The following COL25A1 variants were observed in gnomAD, a reference collection of about 807,000 sequenced individuals.
The protein encoded by COL25A1 is collagen alpha-1(XXV) chain.
A neutral mutation model predicts 128.4 loss-of-function variants in COL25A1; 103 were observed. The ratio of observed to expected loss-of-function variants is 0.80; its 90% CI spans 0.68 to 0.94. The LOEUF (loss-of-function observed/expected upper bound fraction) is 0.94, where lower values mean the gene tolerates loss of function less well. Among genes scored for constraint, COL25A1 ranks in the 40% least tolerant of loss-of-function variants. The pLI is 0.00. For missense variants in COL25A1, 745 were observed against 840.0 expected, an observed-to-expected ratio of 0.89 and a Z score of 1.40; for synonymous variants, 279 against 277.2, an observed-to-expected ratio of 1.01 and a Z score of -0.06.
At chr4:108,980,846 T>C (rs1454989467) in intron 6 of COL25A1, among the ~76,000 whole-genome samples, 1 of 152,242 alleles carries the variant, frequency 6.6e-6, no homozygotes, top group African/African-American at 2.4e-5. Context: ...ACAACCTCAA[T>C]GGTCACCGCA....
At chr4:109,092,119 C>T (rs376552545) in intron 3 of COL25A1, among the ~76,000 whole-genome samples, 5 of 152,060 alleles carry the variant, frequency 3.3e-5, no homozygotes, top group African/African-American at 4.8e-5. Context: ...AAGCTATCTG[C>T]GACCCAGGGA....
intron 8 of COL25A1, among the ~76,000 whole-genome samples, chr4:108,968,251 A>C (rs1332318118): frequency 1.3e-5 from 2 of 152,170 alleles, no homozygotes; most frequent in Non-Finnish European, 2.9e-5. Flanking sequence ...TAATGCCGAA[A>C]AGTTAGCCCA....
intron 3 of COL25A1, among the ~76,000 whole-genome samples, chr4:109,250,266 T>C (rs552184222): frequency 3.3e-5 from 5 of 151,052 alleles, no homozygotes; most frequent in Non-Finnish European, 5.9e-5. Flanking sequence ...ATTAGTATCA[T>C]CCAAACAACA....
At chr4:109,120,093 T>G (rs1307910553) in intron 3 of COL25A1, among the ~76,000 whole-genome samples, 1 of 152,064 alleles carries the variant, frequency 6.6e-6, no homozygotes, top group East Asian at 1.9e-4. Flanking sequence ...CACCCATTAA[T>G]GATAAAAACT....
At chr4:109,289,482 T>C (rs888596010) in intron 3 of COL25A1, among the ~76,000 whole-genome samples, 2 of 152,150 alleles carry the variant, frequency 1.3e-5, no homozygotes, top group Middle Eastern at 3.2e-3. Flanking sequence ...TCAGCTACTT[T>C]TTGAAATGTA....
chr4:109,169,656 A>G (rs990945947), intron 3 of COL25A1, among the ~76,000 whole-genome samples: 1 of 152,194 alleles, frequency 6.6e-6, no homozygotes, highest in African/African-American at 2.4e-5. Flanking sequence ...AAATAGTCCA[A>G]ATGAATCTAT....
In COL25A1 at chr4:109,254,470, TA is replaced by T. The variant is rs1780919354; in HGVS notation, c.367+46112del. On this transcript the variant is annotated intron_variant, in intron 3 of 37. Transcript: ENST00000399132. The stretch of plus-strand genomic sequence containing the variant: ...TGCTATGTACATGTAGGCATATGTT[TA>T]TATATATATATATATATATATATAT... Among the ~76,000 whole-genome samples the T allele has an allele frequency of 4.8e-3, 77 of 16,076 alleles. 2 individuals are homozygous for T. Among genetic ancestry groups the T allele is most frequent in the African/African-American group, 0.028 (72 of 2,596 alleles). 10.5% of individuals were successfully genotyped at this position (16,076 alleles called of 152,430 possible).
intron 3 of COL25A1, among the ~76,000 whole-genome samples, chr4:109,215,175 C>A (rs1777889153): frequency 6.6e-6 from 1 of 152,128 alleles, no homozygotes; most frequent in Non-Finnish European, 1.5e-5. Flanking sequence ...ATCAGGGTAA[C>A]AAGTTAGGTC....
chr4:109,084,492 T>A (rs1028717654), intron 3 of COL25A1, among the ~76,000 whole-genome samples: 4 of 152,188 alleles, frequency 2.6e-5, no homozygotes, highest in African/African-American at 9.7e-5. Context: ...CAAAATAGGA[T>A]CATTGCTGGT....
At chr4:109,263,769 T>C (rs1014860310) in intron 3 of COL25A1, among the ~76,000 whole-genome samples, 1 of 152,250 alleles carries the variant, frequency 6.6e-6, no homozygotes, top group African/African-American at 2.4e-5. Flanking sequence ...TTTTACTAAA[T>C]ACTCTTCTCT....
chr4:109,295,562 G>T (rs1270014743), intron 3 of COL25A1, among the ~76,000 whole-genome samples: 1 of 151,972 alleles, frequency 6.6e-6, no homozygotes, highest in Non-Finnish European at 1.5e-5. Flanking sequence ...TCTTTCCATA[G>T]ATTGTGCAGT....
Position 108,936,045 on chromosome 4 carries a change from A to G in COL25A1, c.708+1763T>C, listed in dbSNP as rs116481695. Among the ~76,000 whole-genome samples, 1,069 of 152,218 alleles carry G rather than the reference A, an allele frequency of 7.0e-3. 21 individuals carry two copies. Among genetic ancestry groups the G allele is most frequent in the Non-Finnish European group, 4.5e-3 (303 of 68,000 alleles). ...ATACGGGGAAGAATGTGTTTTCACC[A>G]TTTTCCAAGACAAAAATTACATGTA... On this transcript the variant is annotated intron_variant, in intron 11 of 37. Coordinates refer to ENST00000399132, the MANE Select transcript of COL25A1 (RefSeq NM_198721.4).
intron 5 of COL25A1, among the ~76,000 whole-genome samples, chr4:109,024,394 T>C (rs899468448): frequency 2.0e-5 from 3 of 152,112 alleles, no homozygotes; most frequent in Non-Finnish European, 4.4e-5. Flanking sequence ...TACTGTAGTA[T>C]ACAAAATACA....
Position 109,301,822 on chromosome 4 carries a change from G to A in COL25A1, c.198C>T (p.Leu66=), listed in dbSNP as rs1272430824. 1 of 1,614,252 alleles carries A rather than the reference G, an allele frequency of 6.2e-7. No homozygotes were observed. The highest frequency in any genetic ancestry group is 1.7e-5 in the Admixed American group (1 of 60,034). Residue 66 remains leucine, a synonymous_variant, in exon 2 of 38, where the codon CTC becomes CTT. Transcript: ENST00000399132. ...TGGAAGGGGCCCCTTTGGCGGATTC[G>A]AGAGCGGCGATCCTCGCCTGGAGGT... is the stretch of plus-strand genomic sequence containing the variant. ...TNDLQARIAA[L]ESAKGAPSIH...
At chr4:109,108,442 T>C (rs1335409037) in intron 3 of COL25A1, among the ~76,000 whole-genome samples, 2 of 152,172 alleles carry the variant, frequency 1.3e-5, no homozygotes, top group East Asian at 3.9e-4. Context: ...GCTGGACATT[T>C]GGCTTGGTTC....
At chr4:109,197,321 G>A (rs1366046401) in intron 3 of COL25A1, among the ~76,000 whole-genome samples, 1 of 134,784 alleles carries the variant, frequency 7.4e-6, no homozygotes, top group Non-Finnish European at 1.5e-5. Flanking sequence ...GAAAGACCCT[G>A]TCTCAAGTAT....
At chr4:109,237,693 T>C (rs1291515501) in intron 3 of COL25A1, among the ~76,000 whole-genome samples, 2 of 152,040 alleles carry the variant, frequency 1.3e-5, no homozygotes, top group East Asian at 3.9e-4. Context: ...ATTTACCTTT[T>C]AACATTTTTA....
chr4:108,981,391 A>G (rs1752957430), intron 6 of COL25A1, among the ~76,000 whole-genome samples: 1 of 152,228 alleles, frequency 6.6e-6, no homozygotes, highest in Non-Finnish European at 1.5e-5. Context: ...AACTTTGCAA[A>G]TAACGAACTA....
intron 13 of COL25A1, among the ~76,000 whole-genome samples, chr4:108,913,733 A>T (rs994058275): frequency 2.0e-5 from 3 of 152,358 alleles, no homozygotes; most frequent in Admixed American, 6.5e-5. Context: ...AAAAACCAAC[A>T]TCTAAGTATA....
Sources: gnomAD v4.1 joint callset for allele counts (sites outside exome capture counted in the v4.1 genomes callset) on GRCh38, gnomAD v4.1.1 for gene constraint, MANE v1.5 for transcripts, NCBI Gene and HGNC (gene_info 2026-07-23, HGNC 2026-07-21) for gene names.